Variants in HMGN5 observed in about 807,000 individuals in gnomAD.
The protein encoded by HMGN5 is high mobility group nucleosome-binding domain-containing protein 5.
A neutral mutation model predicts 9.5 loss-of-function variants in HMGN5; 4 were observed. The observed-to-expected ratio is 0.42, with a 90% CI of 0.21 to 0.96. The LOEUF is 0.96. HMGN5 is among the 40% of genes least tolerant of loss of function. The probability of loss-of-function intolerance (pLI) is 0.30; values close to 1 mark genes in which losing one functional copy is unlikely to be tolerated. For synonymous variants in HMGN5, 55 were observed against 57.1 expected, an observed-to-expected ratio of 0.96 and a Z score of 0.16; for missense variants, 192 against 187.5, an observed-to-expected ratio of 1.02 and a Z score of -0.14.
At chrX:81,133,895 G>C in intron 1 of HMGN5, among the ~76,000 whole-genome samples, 1 of 111,413 alleles carries the variant, frequency 9.0e-6, no homozygotes, top group Non-Finnish European at 1.9e-5. Flanking sequence ...TAACTTGATA[G>C]CTTCTTTAGG....
chrX:81,151,113 G>C (rs2075360742), intron 1 of HMGN5, among the ~76,000 whole-genome samples: 1 of 111,615 alleles, frequency 9.0e-6, no homozygotes, highest in South Asian at 3.7e-4. Flanking sequence ...CATTCTACAA[G>C]GCTATTATTA....
At chrX:81,182,058 C>G (rs2075464438) in intron 1 of HMGN5, among the ~76,000 whole-genome samples, 1 of 111,737 alleles carries the variant, frequency 8.9e-6, no homozygotes, top group Admixed American at 9.5e-5. Context: ...ACTTACATTA[C>G]TACCAACAGT....
At chrX:81,190,135 T>C (rs2075489905) in intron 1 of HMGN5, among the ~76,000 whole-genome samples, 1 of 111,918 alleles carries the variant, frequency 8.9e-6, no homozygotes, top group South Asian at 3.7e-4. Flanking sequence ...TTGTTGAGTT[T>C]TAAGTATTCG....
rs376593790 is a variant in HMGN5 at position 81,115,239 on chromosome X, A to G, written c.268-9T>C. 1 of 1,139,913 alleles carries G rather than the reference A, an allele frequency of 8.8e-7. No individual in the cohort carries two copies. Among genetic ancestry groups the G allele is most frequent in the Non-Finnish European group, 1.2e-6 (1 of 866,137 alleles). The allele number at this position is 1,139,913 out of a possible 1,213,427, so 93.9% of individuals were successfully genotyped here. On this transcript the variant is annotated splice_polypyrimidine_tract_variant and intron_variant, in intron 6 of 6. Coordinates refer to ENST00000358130, the MANE Select transcript of HMGN5 (RefSeq NM_030763.3). ...TTTTCAGAAGCTGGTGCCTGTAAGT[A>G]TAGTGAAAAGAAAAACAAGATTCTG...
intron 1 of HMGN5, among the ~76,000 whole-genome samples, chrX:81,182,573 G>C (rs2075465982): frequency 8.9e-6 from 1 of 111,772 alleles, no homozygotes; most frequent in South Asian, 3.7e-4. Context: ...AAGCTTCCTT[G>C]GTCTTGCTCC....
chrX:81,152,541 TTGG>T (rs1251232542), intron 1 of HMGN5, among the ~76,000 whole-genome samples: 18 of 110,589 alleles, frequency 1.6e-4, no homozygotes, highest in African/African-American at 4.9e-4. Flanking sequence ...TTTTACACTG[TTGG>T]TGGGACTGTA....
Position 81,116,321 on chromosome X carries a change from A to G in HMGN5, c.150T>C (p.Asp50=). ...TTGTATCTATGTTTTCTTCCATCATATCACTTTTTGTCTTCATTTTCTGCC... is the reference window on the plus strand; with the variant it reads ...TTGTATCTATGTTTTCTTCCATCATGTCACTTTTTGTCTTCATTTTCTGCC... ...SSSRKMKTKS[D]MMEENIDTSA... is the part of the protein sequence containing the mutation. The change falls in exon 6 of 7, where the codon GAT becomes GAC. Residue 50 remains aspartate, a synonymous_variant. Transcript: ENST00000358130. 8.4e-7 allele frequency: 1 copy of G among 1,192,401 alleles called. No individual in the cohort carries two copies. The highest frequency in any genetic ancestry group is 1.8e-5 in the South Asian group (1 of 55,361).
In HMGN5 at chrX:81,177,367, C is replaced by CAAAAAAA. The variant is rs148090852; in HGVS notation, c.-124+24363_-124+24369dup. 8.4e-4 allele frequency among the ~76,000 whole-genome samples: 9 copies of CAAAAAAA among 10,676 alleles called. 1 individual carries two copies. Among genetic ancestry groups the CAAAAAAA allele is most frequent in the Admixed American group, 2.0e-3 (1 of 492 alleles). The allele number at this position is 10,676 out of a possible 115,157, so 9.3% of individuals were successfully genotyped here. The stretch of plus-strand genomic sequence containing the variant: ...GAAGATCTACCAAGCAAATGGAAAG[C>CAAAAAAA]AAAAAAAAAAAAAAAAAAAAAAAAA... On this transcript the variant is annotated intron_variant, in intron 1 of 6. Transcript: ENST00000358130.
At chrX:81,136,213 G>A (rs191089717) in intron 1 of HMGN5, among the ~76,000 whole-genome samples, 8 of 111,654 alleles carry the variant, frequency 7.2e-5, no homozygotes, top group African/African-American at 1.6e-4. Context: ...TAAAAACATC[G>A]AATTTTACAC....
intron 1 of HMGN5, chrX:81,195,161 A>C (rs1374068075): frequency 8.9e-6 from 1 of 112,197 alleles, no homozygotes; most frequent in Non-Finnish European, 1.9e-5. Flanking sequence ...CTGCAAGCTG[A>C]GGAGCAAGAA....
At chrX:81,193,203 T>C (rs1410331474) in intron 1 of HMGN5, among the ~76,000 whole-genome samples, 1 of 111,472 alleles carries the variant, frequency 9.0e-6, no homozygotes, top group African/African-American at 3.3e-5. Flanking sequence ...TAAAAGATGA[T>C]CTAGTTTCTG....
intron 1 of HMGN5, among the ~76,000 whole-genome samples, chrX:81,165,248 C>T (rs763131329): frequency 1.8e-5 from 2 of 110,681 alleles, no homozygotes; most frequent in East Asian, 2.8e-4. Flanking sequence ...ACGTGCAATT[C>T]CATATACTCA....
chrX:81,187,154 GAAGA>G (rs1602582756), intron 1 of HMGN5, among the ~76,000 whole-genome samples: 2 of 111,670 alleles, frequency 1.8e-5, no homozygotes, highest in African/African-American at 6.5e-5. Flanking sequence ...CATGTGCTGA[GAAGA>G]ATGTGTATTC....
chrX:81,156,953 C>T (rs1300442463), intron 1 of HMGN5, among the ~76,000 whole-genome samples: 3 of 111,390 alleles, frequency 2.7e-5, no homozygotes, highest in Non-Finnish European at 5.6e-5. Flanking sequence ...ACTTATGGGC[C>T]TAGAACTATT....
chrX:81,169,006 G>A (rs1226589613), intron 1 of HMGN5, among the ~76,000 whole-genome samples: 2 of 111,432 alleles, frequency 1.8e-5, no homozygotes, highest in Non-Finnish European at 3.8e-5. Flanking sequence ...CATACCCATA[G>A]ACTTTGTAAT....
At chrX:81,129,532 C>A (rs936727484) in intron 1 of HMGN5, among the ~76,000 whole-genome samples, 6 of 110,799 alleles carry the variant, frequency 5.4e-5, no homozygotes, top group African/African-American at 2.0e-4. Context: ...AAGACTTAAG[C>A]TTTTATGTAG....
chrX:81,189,085 G>T (rs760758483), intron 1 of HMGN5, among the ~76,000 whole-genome samples: 1 of 111,616 alleles, frequency 9.0e-6, no homozygotes, highest in South Asian at 3.8e-4. Context: ...GCTTTTGTTT[G>T]TCTGGGAAAG....
chrX:81,185,992 T>C (rs931079385), intron 1 of HMGN5, among the ~76,000 whole-genome samples: 1 of 112,124 alleles, frequency 8.9e-6, no homozygotes, highest in Non-Finnish European at 1.9e-5. Context: ...ATGATATTTT[T>C]AATGTGTGAT....
chrX:81,134,067 A>T (rs2075304898), intron 1 of HMGN5, among the ~76,000 whole-genome samples: 1 of 111,625 alleles, frequency 9.0e-6, no homozygotes, highest in African/African-American at 3.2e-5. Context: ...ATTAATGATG[A>T]AACTATGAAT....
Sources: gnomAD v4.1 joint callset for allele counts (sites outside exome capture counted in the v4.1 genomes callset) on GRCh38, gnomAD v4.1.1 for gene constraint, MANE v1.5 for transcripts, NCBI Gene and HGNC (gene_info 2026-07-23, HGNC 2026-07-21) for gene names.